MYO6: variants seen among roughly 807,000 people sequenced by gnomAD.
MYO6 encodes the protein myosin VI, also known as unconventional myosin-VI.
In MYO6, 74 loss-of-function variants were observed where a neutral mutation model predicts 178.7. That is an observed-to-expected ratio of 0.41 (90% CI 0.34 to 0.50). The LOEUF is 0.50. MYO6 is among the 20% of genes least tolerant of loss of function. The pLI is 0.09. For missense variants in MYO6, 1,330 were observed against 1,547.4 expected (o/e 0.86, Z 2.36); for synonymous variants, 477 against 504.6 (o/e 0.95, Z 0.73).
At position 75,841,635 on chromosome 6, in the gene MYO6, A is replaced by G. The variant is rs189737317; in HGVS notation, c.816+257A>G. Among the ~76,000 whole-genome samples the G allele has an allele frequency of 4.6e-3, 707 of 152,284 alleles. 4 individuals carry two copies. Among genetic ancestry groups the G allele is most frequent in the African/African-American group, 0.016 (666 of 41,566 alleles). Reference sequence around the variant, plus strand: ...CCTGAGCCCAGGAGGTTGAGGCTGCAGTGAGCCATGATTGTGCCACTGCAC... The same window carrying G: ...CCTGAGCCCAGGAGGTTGAGGCTGCGGTGAGCCATGATTGTGCCACTGCAC... On this transcript the variant is annotated intron_variant, in intron 9 of 34. Transcript: ENST00000369977.
chr6:75,842,193 CACACACAT>C (rs1218899453), intron 9 of MYO6, among the ~76,000 whole-genome samples: 3 of 146,558 alleles, frequency 2.0e-5, no homozygotes, highest in Non-Finnish European at 4.5e-5. Flanking sequence ...AACGCACACA[CACACACAT>C]GCACACACAC....
At chr6:75,834,578 A>G (rs1181187677) in intron 6 of MYO6, among the ~76,000 whole-genome samples, 1 of 152,164 alleles carries the variant, frequency 6.6e-6, no homozygotes, top group Non-Finnish European at 1.5e-5. Flanking sequence ...GGAAGGAATC[A>G]TAACACTCAT....
At chr6:75,886,450 A>AC (rs3839372) in intron 24 of MYO6, among the ~76,000 whole-genome samples, 60,233 of 152,018 alleles carry the variant, frequency 0.4, 12,857 homozygotes, top group Middle Eastern at 0.54. Context: ...TAATATGTTT[A>AC]CATAATTTTC....
intron 1 of MYO6, among the ~76,000 whole-genome samples, chr6:75,761,626 C>G (rs573799581): frequency 1.1e-4 from 16 of 151,108 alleles, no homozygotes; most frequent in African/African-American, 2.7e-4. Flanking sequence ...CACACACACA[C>G]AGACACATTT....
chr6:75,814,334 C>T (rs557582850), intron 1 of MYO6, among the ~76,000 whole-genome samples: 66 of 152,168 alleles, frequency 4.3e-4, no homozygotes, highest in Non-Finnish European at 8.1e-4. Flanking sequence ...CTCTCCAGTG[C>T]CTCTTTCTTT....
rs1296042517 is a variant in MYO6, at chr6:75,822,841, G to A, written c.177G>A (p.Val59=). ...FPAEEDSKKD[V]EDNCSLMYLN... ...CAGAAGAGGACAGTAAAAAAGATGT[G>A]GAAGATAACTGTAAGTACCAAGTTA... is the stretch of plus-strand genomic sequence containing the variant. Residue 59 remains valine, a synonymous_variant, in exon 3 of 35, where the codon GTG becomes GTA. Transcript: ENST00000369977. 3.7e-6 allele frequency: 6 copies of A among 1,612,574 alleles called. No individual in the cohort carries two copies. The highest frequency in any genetic ancestry group is 5.1e-6 in the Non-Finnish European group (6 of 1,178,964).
At chr6:75,866,275 C>CAGTGTGTGTG (rs1554212776) in intron 16 of MYO6, among the ~76,000 whole-genome samples, 1 of 119,138 alleles carries the variant, frequency 8.4e-6, no homozygotes, top group African/African-American at 2.8e-5. Context: ...GTCTCTGTCT[C>CAGTGTGTGTG]TGTGTGTGTG....
chr6:75,841,706 A>T (rs1774244960), intron 9 of MYO6, among the ~76,000 whole-genome samples: 1 of 152,134 alleles, frequency 6.6e-6, no homozygotes, highest in African/African-American at 2.4e-5. Flanking sequence ...AGAAAAAAAA[A>T]TTTTGTATAA....
intron 1 of MYO6, among the ~76,000 whole-genome samples, chr6:75,785,473 C>CTT (rs11325534): frequency 3.2e-5 from 4 of 126,504 alleles, no homozygotes; most frequent in Non-Finnish European, 6.6e-5. Flanking sequence ...CTTTTCTTTT[C>CTT]TTTTTTTTTT....
intron 1 of MYO6, among the ~76,000 whole-genome samples, chr6:75,814,890 A>G (rs1040127555): frequency 4.6e-5 from 7 of 151,876 alleles, no homozygotes; most frequent in South Asian, 2.1e-4. Flanking sequence ...AGATATTTCA[A>G]TTCTTCTAAG....
At chr6:75,907,810 GTGTGTGTA>G in intron 31 of MYO6, 102 bp downstream of exon 31, 1 of 824,348 alleles carries the variant, frequency 1.2e-6, no homozygotes, top group African/African-American at 1.7e-5. Flanking sequence ...GTGTGTGTGT[GTGTGTGTA>G]TGTGTGTATG....
intron 1 of MYO6, among the ~76,000 whole-genome samples, chr6:75,796,415 G>GT (rs994469124): frequency 7.3e-5 from 11 of 151,178 alleles, no homozygotes; most frequent in East Asian, 1.9e-4. Context: ...ACATCTTTGA[G>GT]TTTTTTTTTG....
At chr6:75,850,253 G>C (rs1562245696) in intron 11 of MYO6, among the ~76,000 whole-genome samples, 1 of 151,992 alleles carries the variant, frequency 6.6e-6, no homozygotes, top group Non-Finnish European at 1.5e-5. Flanking sequence ...TAGGGAAAGA[G>C]CACAAGAAGA....
intron 1 of MYO6, among the ~76,000 whole-genome samples, chr6:75,798,460 T>G (rs1436204138): frequency 6.6e-6 from 1 of 152,186 alleles, no homozygotes; most frequent in Non-Finnish European, 1.5e-5. Context: ...GTAAGGGTGG[T>G]TCAACATATG....
At chr6:75,804,396 T>C (rs2150126145) in intron 1 of MYO6, among the ~76,000 whole-genome samples, 1 of 152,274 alleles carries the variant, frequency 6.6e-6, no homozygotes, top group South Asian at 2.1e-4. Context: ...GTTTAAAACT[T>C]GTATGCCAAA....
At chr6:75,870,230 C>T (rs996136097) in intron 18 of MYO6, among the ~76,000 whole-genome samples, 2 of 152,070 alleles carry the variant, frequency 1.3e-5, no homozygotes, top group Non-Finnish European at 2.9e-5. Flanking sequence ...ATATTTTAAA[C>T]ATGTCTTCAT....
At chr6:75,843,488 G>C (rs185281756) in intron 9 of MYO6, among the ~76,000 whole-genome samples, 1 of 152,292 alleles carries the variant, frequency 6.6e-6, no homozygotes, top group Admixed American at 6.5e-5. Flanking sequence ...GGCCGGGATA[G>C]TGTTCTAGTT....
intron 27 of MYO6, among the ~76,000 whole-genome samples, chr6:75,892,078 GTCTC>G (rs1450453003): frequency 6.6e-6 from 1 of 152,164 alleles, no homozygotes; most frequent in African/African-American, 2.4e-5. Context: ...AGGATTAAGA[GTCTC>G]TCTCCACCCC....
At chr6:75,861,215 G>A (rs1776190134) in intron 15 of MYO6, 120 bp downstream of exon 15, 1 of 838,116 alleles carries the variant, frequency 1.2e-6, no homozygotes, top group Non-Finnish European at 2.0e-6. Flanking sequence ...TGGTATTTGA[G>A]AGAAGGTTAC....
Sources: gnomAD v4.1 joint callset for allele counts (sites outside exome capture counted in the v4.1 genomes callset) on GRCh38, gnomAD v4.1.1 for gene constraint, MANE v1.5 for transcripts, NCBI Gene and HGNC (gene_info 2026-07-23, HGNC 2026-07-21) for gene names.